SNX13: variants seen among roughly 807,000 people sequenced by gnomAD.
SNX13 encodes the protein sorting nexin-13.
In SNX13, 45 loss-of-function variants were observed where a neutral mutation model predicts 133.6. That is an observed-to-expected ratio of 0.34 (90% CI 0.27 to 0.43). The LOEUF is 0.43. SNX13 is among the 20% of genes least tolerant of loss of function. The pLI is 1.00. For synonymous variants in SNX13, 414 were observed against 373.9 expected (o/e 1.11, Z -1.24); for missense variants, 1,032 against 1,145.1 (o/e 0.90, Z 1.43).
chr7:17,796,177 T>C (rs1391377954), intron 25 of SNX13: 1 of 151,704 alleles, frequency 6.6e-6, no homozygotes, highest in Non-Finnish European at 1.5e-5. Flanking sequence ...ATAACTTCTC[T>C]GATTGAAAGA....
chr7:17,881,330 A>G (rs1795317802), intron 5 of SNX13: 1 of 151,842 alleles, frequency 6.6e-6, no homozygotes. Context: ...ATACATATAC[A>G]CATACACAAA....
chr7:17,805,744 G>A (rs1361712421), intron 20 of SNX13, among the ~76,000 whole-genome samples: 3 of 152,288 alleles, frequency 2.0e-5, no homozygotes, highest in Admixed American at 1.3e-4. Flanking sequence ...CTAAGAGAAA[G>A]TAAATCTATA....
At chr7:17,818,086 G>T (rs1313498727) in intron 18 of SNX13, among the ~76,000 whole-genome samples, 22 of 152,136 alleles carry the variant, frequency 1.4e-4, no homozygotes, top group Non-Finnish European at 3.2e-4. Context: ...ATCACATAGA[G>T]AAATGGCCAT....
At chr7:17,923,879 C>A (rs1800425948) in intron 1 of SNX13, among the ~76,000 whole-genome samples, 1 of 152,042 alleles carries the variant, frequency 6.6e-6, no homozygotes, top group African/African-American at 2.4e-5. Context: ...AAACCCAAGC[C>A]CCCACTGCCC....
chr7:17,852,080 T>C (rs1026930120), intron 9 of SNX13, among the ~76,000 whole-genome samples: 1 of 152,094 alleles, frequency 6.6e-6, no homozygotes, highest in East Asian at 1.9e-4. Context: ...TAAAGAAGTG[T>C]TTTAAAAAAG....
intron 17 of SNX13, 101 bp from the exon 18 acceptor site, chr7:17,821,749 AAAGAT>A: frequency 1.5e-6 from 2 of 1,328,278 alleles, no homozygotes; most frequent in South Asian, 3.0e-5. Context: ...AGAAAACAAA[AAAGAT>A]AATATGAAAT....
Position 17,850,954 on chromosome 7 carries a change from G to C in SNX13, c.848C>G (p.Ser283Cys). 1 of 1,602,928 alleles carries C rather than the reference G, an allele frequency of 6.2e-7. No homozygotes were observed. The highest frequency in any genetic ancestry group is 8.5e-7 in the Non-Finnish European group (1 of 1,176,480). ...NQYVIWMIRD[S>C]NCNYEAFMNI... ...CATAAAGGCCTCATAGTTGCAGTTA[G>C]AATCACGGATCTGAAAACAAGTTTA... The change falls in exon 10 of 26, where the codon TCT becomes TGT. Residue 283 changes from serine to cysteine, a missense_variant. Coordinates refer to ENST00000428135, the MANE Select transcript of SNX13 (RefSeq NM_015132.5).
At chr7:17,842,705 T>C (rs981732451) in intron 12 of SNX13, among the ~76,000 whole-genome samples, 1 of 152,032 alleles carries the variant, frequency 6.6e-6, no homozygotes. Context: ...GGTTTCTACA[T>C]AATTTACAAA....
At chr7:17,834,989 A>C (rs563830765) in intron 13 of SNX13, 124 bp from the exon 14 acceptor site, 5 of 576,734 alleles carry the variant, frequency 8.7e-6, no homozygotes, top group African/African-American at 7.7e-5. Context: ...ATTGGTTTGT[A>C]AACGACACCT....
At chr7:17,850,502 T>G in intron 10 of SNX13, 67 bp from the exon 11 acceptor site, 1 of 917,776 alleles carries the variant, frequency 1.1e-6, no homozygotes, top group Non-Finnish European at 1.6e-6. Context: ...AAACATGCAC[T>G]TACTGTAATT....
rs764551338 is a variant in SNX13 at position 17,792,972 on chromosome 7, T to A, written c.*1073A>T. The A allele has an allele frequency of 1.3e-5, 2 of 152,346 alleles. No individual in the cohort carries two copies. Among genetic ancestry groups the A allele is most frequent in the East Asian group, 1.9e-4 (1 of 5,192 alleles). The allele number at this position is 152,346 out of a possible 1,614,324, so 9.4% of individuals were successfully genotyped here. On this transcript the variant is annotated 3_prime_UTR_variant, in exon 26 of 26. Transcript: ENST00000428135. ...TGAAATATAAATAAAAGCATATTTT[T>A]AAAAATATTATAGTTCTTTTTTCAT...
chr7:17,903,055 G>A (rs1798012489), intron 1 of SNX13, among the ~76,000 whole-genome samples: 1 of 152,082 alleles, frequency 6.6e-6, no homozygotes, highest in African/African-American at 2.4e-5. Context: ...CAGAGGTTGG[G>A]AACTGCTACT....
chr7:17,808,965 A>AGT (rs1785651292), intron 20 of SNX13, among the ~76,000 whole-genome samples: 1 of 152,300 alleles, frequency 6.6e-6, no homozygotes, highest in South Asian at 2.1e-4. Flanking sequence ...AGCACTAAAC[A>AGT]TGGAAAGGAA....
At chr7:17,914,205 GA>G (rs35093211) in intron 1 of SNX13, among the ~76,000 whole-genome samples, 31 of 143,954 alleles carry the variant, frequency 2.2e-4, no homozygotes, top group Middle Eastern at 3.6e-3. Context: ...GGAAATGGGA[GA>G]AAAAAAAAAA....
At chr7:17,837,002 T>C (rs749785406) in intron 13 of SNX13, among the ~76,000 whole-genome samples, 16 of 152,046 alleles carry the variant, frequency 1.1e-4, no homozygotes, top group Non-Finnish European at 2.1e-4. Context: ...AGGACATCTT[T>C]TATGCAGTGT....
intron 12 of SNX13, 85 bp downstream of exon 12, chr7:17,845,510 T>C (rs917018182): frequency 3.8e-6 from 3 of 786,648 alleles, no homozygotes; most frequent in African/African-American, 1.8e-5. Flanking sequence ...ATAGTTGAGA[T>C]ACTAAATTTT....
At chr7:17,851,654 TG>T (rs1212413461) in intron 9 of SNX13, among the ~76,000 whole-genome samples, 2 of 131,590 alleles carry the variant, frequency 1.5e-5, no homozygotes, top group Non-Finnish European at 3.0e-5. Context: ...GCCTGACAAC[TG>T]GAATAGTGGA....
Position 17,935,120 on chromosome 7 carries a change from A to C in SNX13, c.12+5164T>G, listed in dbSNP as rs1383137279. On this transcript the variant is annotated intron_variant, in intron 1 of 25. Transcript: ENST00000428135. ...AAAATCCAAGACAAAGAATCAACCT[A>C]AGTGTCCATCAATGGATAAACAGAT... Among the ~76,000 whole-genome samples, 3 of 152,216 alleles carry C rather than the reference A, an allele frequency of 2.0e-5. No homozygotes were observed. The East Asian group carries it at 5.8e-4, about 29-fold the overall frequency.
intron 20 of SNX13, among the ~76,000 whole-genome samples, chr7:17,814,115 G>C (rs1456776603): frequency 1.3e-5 from 2 of 152,098 alleles, no homozygotes; most frequent in Non-Finnish European, 2.9e-5. Flanking sequence ...TTATTACTAA[G>C]AGCAAACATT....
Sources: gnomAD v4.1 joint callset for allele counts (sites outside exome capture counted in the v4.1 genomes callset) on GRCh38, gnomAD v4.1.1 for gene constraint, MANE v1.5 for transcripts, NCBI Gene and HGNC (gene_info 2026-07-23, HGNC 2026-07-21) for gene names.